The following ANKH variants were observed in gnomAD, a reference collection of about 807,000 sequenced individuals.
ANKH encodes the protein ANKH inorganic pyrophosphate transport regulator, also known as mineralization regulator ANKH.
A neutral mutation model predicts 49.0 loss-of-function variants in ANKH; 15 were observed. The observed-to-expected ratio is 0.31, with a 90% CI of 0.20 to 0.47. The LOEUF (loss-of-function observed/expected upper bound fraction) is 0.47. Among genes scored for constraint, ANKH ranks in the 20% least tolerant of loss-of-function variants. The pLI is 1.00. For synonymous variants in ANKH, 273 were observed against 260.0 expected, an observed-to-expected ratio of 1.05 and a Z score of -0.48; for missense variants, 429 against 652.0, an observed-to-expected ratio of 0.66 and a Z score of 3.72.
chr5:14,717,380 A>ATT (rs1737509975), intron 8 of ANKH, among the ~76,000 whole-genome samples: 1 of 152,226 alleles, frequency 6.6e-6, no homozygotes, highest in African/African-American at 2.4e-5. Context: ...CAGCAACAGA[A>ATT]TGTGGAACTC....
At chr5:14,806,321 T>TAAA (rs34217627) in intron 1 of ANKH, among the ~76,000 whole-genome samples, 5 of 147,760 alleles carry the variant, frequency 3.4e-5, no homozygotes, top group African/African-American at 9.9e-5. Context: ...TTTGGGTGGG[T>TAAA]AAAAAAAAAA....
chr5:14,844,286 T>C (rs1741896389), intron 1 of ANKH, among the ~76,000 whole-genome samples: 1 of 152,224 alleles, frequency 6.6e-6, no homozygotes, highest in Non-Finnish European at 1.5e-5. Context: ...GGCATGCTTA[T>C]TTTCTAAAAG....
At chr5:14,792,343 C>A (rs1740196344) in intron 1 of ANKH, among the ~76,000 whole-genome samples, 1 of 152,166 alleles carries the variant, frequency 6.6e-6, no homozygotes, top group South Asian at 2.1e-4. Flanking sequence ...TGGCAAAAAA[C>A]AGAGTCAGGA....
At chr5:14,867,685 G>A (rs932433960) in intron 1 of ANKH, among the ~76,000 whole-genome samples, 4 of 151,866 alleles carry the variant, frequency 2.6e-5, no homozygotes, top group Non-Finnish European at 5.9e-5. Context: ...TCAGCCTCCC[G>A]AGTAGCTGGG....
At chr5:14,798,365 C>T (rs1740456557) in intron 1 of ANKH, 16 of 1,563,346 alleles carry the variant, frequency 1.0e-5, no homozygotes, top group Non-Finnish European at 1.4e-5. Context: ...CTCATTCTTC[C>T]ACTGTGTTGT....
chr5:14,735,392 T>C (rs1561030072), intron 8 of ANKH, among the ~76,000 whole-genome samples: 2 of 152,212 alleles, frequency 1.3e-5, no homozygotes, highest in Admixed American at 6.5e-5. Flanking sequence ...GGAGACAGAA[T>C]CTAACAAAAA....
At chr5:14,751,286 C>A (rs766619375) in intron 4 of ANKH, 47 bp from the exon 5 acceptor site, 26 of 1,594,632 alleles carry the variant, frequency 1.6e-5, no homozygotes, top group Admixed American at 3.3e-5. Flanking sequence ...GAAGCGGGAA[C>A]CGACTGACAG....
At chr5:14,839,349 A>G (rs534598410) in intron 1 of ANKH, among the ~76,000 whole-genome samples, 5 of 152,296 alleles carry the variant, frequency 3.3e-5, no homozygotes, top group Admixed American at 6.5e-5. Context: ...GCTAACATCG[A>G]TAAGTTAAAA....
intron 1 of ANKH, among the ~76,000 whole-genome samples, chr5:14,854,445 C>A (rs1030098400): frequency 6.6e-6 from 1 of 152,066 alleles, no homozygotes; most frequent in Admixed American, 6.6e-5. Flanking sequence ...TTTGGGTGGT[C>A]GAGGCAGAAG....
In ANKH at chr5:14,705,838, C is replaced by G. The variant is rs1045528669; in HGVS notation, c.*5359G>C. 1.3e-5 allele frequency: 2 copies of G among 152,392 alleles called. No homozygotes were observed. The highest frequency in any genetic ancestry group is 4.8e-5 in the African/African-American group (2 of 41,414). The allele number at this position is 152,392 out of a possible 1,614,324, so 9.4% of individuals were successfully genotyped here. On this transcript the variant is annotated 3_prime_UTR_variant, in exon 12 of 12. Coordinates refer to ENST00000284268, the MANE Select transcript of ANKH (RefSeq NM_054027.6). ...GTGGTTTGAACTTAGCTTTCAGTAGCTGTTTCATTCAAACCGTGGGTCCCT... is the reference window on the plus strand; with the variant it reads ...GTGGTTTGAACTTAGCTTTCAGTAGGTGTTTCATTCAAACCGTGGGTCCCT...
intron 5 of ANKH, among the ~76,000 whole-genome samples, chr5:14,750,199 C>G (rs1738666778): frequency 6.6e-6 from 1 of 152,184 alleles, no homozygotes; most frequent in Non-Finnish European, 1.5e-5. Flanking sequence ...GGGATGAATT[C>G]AGGGCTATAG....
chr5:14,773,933 C>T (rs1039830104), intron 1 of ANKH, among the ~76,000 whole-genome samples: 1 of 152,194 alleles, frequency 6.6e-6, no homozygotes, highest in Admixed American at 6.5e-5. Flanking sequence ...CACATTTTAC[C>T]TGCAAGATAT....
rs188801497 is a variant in ANKH, at chr5:14,721,747, G to A, written c.1012-4912C>T. ...AGATCGAGACCATCCTGGCTAACAC[G>A]GTGAAACCCCATCTCTACTAAAAAT... On this transcript the variant is annotated intron_variant, in intron 8 of 11. Transcript: ENST00000284268. Among the ~76,000 whole-genome samples, 969 of 151,988 alleles carry A rather than the reference G, an allele frequency of 6.4e-3. 30 individuals are homozygous for A. Among genetic ancestry groups the A allele is most frequent in the Admixed American group, 0.052 (788 of 15,270 alleles).
intron 1 of ANKH, among the ~76,000 whole-genome samples, chr5:14,830,291 C>A (rs1441002109): frequency 6.6e-6 from 1 of 152,180 alleles, no homozygotes; most frequent in African/African-American, 2.4e-5. Context: ...GACACTGCTG[C>A]GGCTTGCCCC....
intron 6 of ANKH, among the ~76,000 whole-genome samples, chr5:14,747,283 A>T (rs555043825): frequency 6.6e-6 from 1 of 152,352 alleles, no homozygotes; most frequent in Non-Finnish European, 1.5e-5. Flanking sequence ...TGTTTCCATG[A>T]AAACATGAGT....
intron 1 of ANKH, among the ~76,000 whole-genome samples, chr5:14,809,354 A>AAAAAAAAG (rs1561065397): frequency 3.2e-4 from 42 of 130,258 alleles, no homozygotes; most frequent in East Asian, 2.5e-3. Flanking sequence ...AAAAAAAAAA[A>AAAAAAAAG]AAAGAAAAAA....
chr5:14,763,430 A>G (rs1233395409), intron 2 of ANKH, among the ~76,000 whole-genome samples: 1 of 152,216 alleles, frequency 6.6e-6, no homozygotes, highest in Non-Finnish European at 1.5e-5. Flanking sequence ...TGCACACTCT[A>G]ACACAGCTGT....
chr5:14,852,216 A>C (rs891787854), intron 1 of ANKH, among the ~76,000 whole-genome samples: 1 of 152,242 alleles, frequency 6.6e-6, no homozygotes, highest in African/African-American at 2.4e-5. Flanking sequence ...CAGGAGTTCA[A>C]GGCTGCAGTG....
intron 1 of ANKH, among the ~76,000 whole-genome samples, chr5:14,861,670 T>C (rs139678290): frequency 3.1e-3 from 469 of 152,272 alleles, no homozygotes; most frequent in Middle Eastern, 6.8e-3. Context: ...CCCATCTTAT[T>C]GAGGAGACTG....
Sources: gnomAD v4.1 joint callset for allele counts (sites outside exome capture counted in the v4.1 genomes callset) on GRCh38, gnomAD v4.1.1 for gene constraint, MANE v1.5 for transcripts, NCBI Gene and HGNC (gene_info 2026-07-23, HGNC 2026-07-21) for gene names.